The following DDR2 variants were observed in gnomAD, a reference collection of about 807,000 sequenced individuals.
DDR2 encodes discoidin domain-containing receptor 2.
In DDR2, 27 loss-of-function variants were observed where a neutral mutation model predicts 94.9. The observed-to-expected ratio is 0.28, with a 90% CI of 0.21 to 0.39. The LOEUF (loss-of-function observed/expected upper bound fraction) is 0.39. DDR2 is among the 10% of genes least tolerant of loss of function. The probability of loss-of-function intolerance (pLI) is 1.00; values close to 1 mark genes in which losing one functional copy is unlikely to be tolerated. For missense variants in DDR2, 783 were observed against 1,076.0 expected (o/e 0.73, Z 3.81); for synonymous variants, 382 against 377.2 (o/e 1.01, Z -0.15).
At chr1:162,690,493 G>A (rs1327790116) in intron 2 of DDR2, among the ~76,000 whole-genome samples, 1 of 152,072 alleles carries the variant, frequency 6.6e-6, no homozygotes, top group Non-Finnish European at 1.5e-5. Context: ...CCTACCATGT[G>A]CTAGGCATTG....
intron 3 of DDR2, among the ~76,000 whole-genome samples, chr1:162,749,472 T>C (rs1663064158): frequency 6.6e-6 from 1 of 152,180 alleles, no homozygotes; most frequent in Non-Finnish European, 1.5e-5. Context: ...GTCGAATCCC[T>C]GAATAGACCA....
intron 9 of DDR2, among the ~76,000 whole-genome samples, chr1:162,762,203 A>G (rs1339444189): frequency 1.3e-5 from 2 of 152,008 alleles, no homozygotes; most frequent in Non-Finnish European, 2.9e-5. Flanking sequence ...TTCCATTTTT[A>G]TTTCTTTTTA....
intron 1 of DDR2, among the ~76,000 whole-genome samples, chr1:162,633,521 A>G (rs567475723): frequency 6.4e-4 from 97 of 152,354 alleles, no homozygotes; most frequent in African/African-American, 2.2e-3. Context: ...GATGTAAAAA[A>G]TGATAGGAAG....
intron 1 of DDR2, among the ~76,000 whole-genome samples, chr1:162,651,291 G>C (rs1289558346): frequency 6.6e-6 from 1 of 152,044 alleles, no homozygotes; most frequent in Non-Finnish European, 1.5e-5. Flanking sequence ...CTTTGTCTTC[G>C]ATTACCTGTG....
At chr1:162,761,816 G>C (rs1164551372) in intron 9 of DDR2, among the ~76,000 whole-genome samples, 1 of 152,098 alleles carries the variant, frequency 6.6e-6, no homozygotes, top group African/African-American at 2.4e-5. Flanking sequence ...CAAAAGTAAA[G>C]AGAACAATAA....
chr1:162,756,427 T>C (rs1445021364), intron 7 of DDR2, among the ~76,000 whole-genome samples: 3 of 152,172 alleles, frequency 2.0e-5, no homozygotes, highest in Non-Finnish European at 4.4e-5. Flanking sequence ...TGTGACCAGA[T>C]ATAGTAGGAA....
At chr1:162,653,760 C>T (rs1157822898) in intron 1 of DDR2, among the ~76,000 whole-genome samples, 1 of 151,880 alleles carries the variant, frequency 6.6e-6, no homozygotes, top group Non-Finnish European at 1.5e-5. Flanking sequence ...TGAGGTAAGC[C>T]CCAAGTAGAA....
chr1:162,660,479 C>A (rs1431999056), intron 2 of DDR2, among the ~76,000 whole-genome samples: 1 of 152,148 alleles, frequency 6.6e-6, no homozygotes, highest in African/African-American at 2.4e-5. Context: ...GTTAAAAATG[C>A]AGGATCTAGG....
chr1:162,746,867 GC>G (rs201777313), intron 3 of DDR2, among the ~76,000 whole-genome samples: 1,772 of 152,296 alleles, frequency 0.012, 30 homozygotes, highest in African/African-American at 0.041. Context: ...TGATACCCAG[GC>G]AAACAGGGTC....
rs1272723496 is a variant in DDR2 at position 162,645,915 on chromosome 1, A to G, written c.-191-9296A>G. Among the ~76,000 whole-genome samples, 9 of 152,214 alleles carry G rather than the reference A, an allele frequency of 5.9e-5. 1 individual carries two copies. The highest frequency in any genetic ancestry group is 5.9e-4 in the Admixed American group (9 of 15,272). On this transcript the variant is annotated intron_variant, in intron 1 of 17. Coordinates refer to ENST00000367921, the MANE Select transcript of DDR2 (RefSeq NM_006182.4). The stretch of plus-strand genomic sequence containing the variant: ...CAGAACCATTCTTCTTTGTGTGTTT[A>G]TGCCTCAAGTTTCTGCTTATAAGCT...
At chr1:162,698,687 G>T (rs1374204363) in intron 2 of DDR2, among the ~76,000 whole-genome samples, 1 of 152,170 alleles carries the variant, frequency 6.6e-6, no homozygotes, top group Non-Finnish European at 1.5e-5. Flanking sequence ...GGAGAAGGTT[G>T]CATCAGGAAT....
intron 10 of DDR2, among the ~76,000 whole-genome samples, chr1:162,766,829 C>T (rs58878960): frequency 2.0e-5 from 3 of 151,900 alleles, no homozygotes; most frequent in Non-Finnish European, 4.4e-5. Flanking sequence ...GTCAGGAGTT[C>T]GAGACCAGAC....
chr1:162,673,029 A>G (rs1658943827), intron 2 of DDR2, among the ~76,000 whole-genome samples: 1 of 152,238 alleles, frequency 6.6e-6, no homozygotes, highest in South Asian at 2.1e-4. Context: ...TAATTTCATC[A>G]CATCATTATG....
At chr1:162,644,742 A>G (rs1382055013) in intron 1 of DDR2, among the ~76,000 whole-genome samples, 1 of 151,998 alleles carries the variant, frequency 6.6e-6, no homozygotes, top group Non-Finnish European at 1.5e-5. Context: ...GATTACAGGC[A>G]TGCACTACCA....
intron 3 of DDR2, among the ~76,000 whole-genome samples, chr1:162,724,683 T>G (rs1448514329): frequency 6.6e-6 from 1 of 152,212 alleles, no homozygotes; most frequent in African/African-American, 2.4e-5. Context: ...TGGCCTCATC[T>G]GTTAACGAGA....
Position 162,784,947 on chromosome 1 carries a change from T to C in DDR2, c.*4701T>C, listed in dbSNP as rs953739482. 1 of 152,224 alleles carries C rather than the reference T, an allele frequency of 6.6e-6. No homozygotes were observed. Among genetic ancestry groups the C allele is most frequent in the African/African-American group, 2.4e-5 (1 of 41,458 alleles). The allele number at this position is 152,224 out of a possible 1,614,324, so 9.4% of individuals were successfully genotyped here. A position where few individuals can be genotyped will look rare whatever the true frequency, so the allele number is the denominator to read the frequency against. ...GCTGGATACTTTTAATTCTTGCTGA[T>C]TTGTAAACTGGCCTTGCTTGGATAC... On this transcript the variant is annotated 3_prime_UTR_variant, in exon 18 of 18. Coordinates refer to ENST00000367921, the MANE Select transcript of DDR2 (RefSeq NM_006182.4).
At chr1:162,710,652 G>T (rs1004022832) in intron 2 of DDR2, among the ~76,000 whole-genome samples, 3 of 152,044 alleles carry the variant, frequency 2.0e-5, no homozygotes, top group African/African-American at 7.2e-5. Flanking sequence ...AGATTTAAAT[G>T]CCCTGAATGG....
intron 3 of DDR2, among the ~76,000 whole-genome samples, chr1:162,750,242 C>T (rs1663115353): frequency 6.6e-6 from 1 of 152,106 alleles, no homozygotes; most frequent in South Asian, 2.1e-4. Flanking sequence ...ATTTAGAAAA[C>T]CCCATCATCT....
At chr1:162,682,735 G>T (rs985775316) in intron 2 of DDR2, among the ~76,000 whole-genome samples, 1 of 152,100 alleles carries the variant, frequency 6.6e-6, no homozygotes, top group Non-Finnish European at 1.5e-5. Flanking sequence ...ATATCATTTT[G>T]AGGCTTAAAA....
Sources: gnomAD v4.1 joint callset for allele counts (sites outside exome capture counted in the v4.1 genomes callset) on GRCh38, gnomAD v4.1.1 for gene constraint, MANE v1.5 for transcripts, NCBI Gene and HGNC (gene_info 2026-07-23, HGNC 2026-07-21) for gene names.